NLRP12: variants seen among roughly 807,000 people sequenced by gnomAD.
The protein encoded by NLRP12 is NACHT, LRR and PYD domains-containing protein 12.
A neutral mutation model predicts 91.2 loss-of-function variants in NLRP12; 108 were observed. The ratio of observed to expected loss-of-function variants is 1.18; its 90% CI spans 1.01 to 1.39. The LOEUF is 1.39. NLRP12 is among the 40% of genes most tolerant of loss of function. NLRP12 has a pLI of 0.00. For missense variants in NLRP12, 1,530 were observed against 1,352.7 expected, an observed-to-expected ratio of 1.13 and a Z score of -2.06; for synonymous variants, 613 against 566.7, an observed-to-expected ratio of 1.08 and a Z score of -1.16.
At position 53,798,273 on chromosome 19, in the gene NLRP12, T is replaced by C. The variant is rs777398049; in HGVS notation, c.2897A>G (p.Gln966Arg). The change falls in exon 8 of 10, where the codon CAA (glutamine) becomes CGA (arginine). Residue 966 changes from glutamine (Q) to arginine (R), a missense_variant. Transcript: ENST00000324134. ...TTTCTGGAGTCTGCAGGCGGGATGT[T>C]GCAGCCCCTCAGCCAGCAACCACAG... is the stretch of plus-strand genomic sequence containing the variant. The part of the protein sequence containing the change: ...WGLWLLAEGL[Q>R]HPACRLQKLW... 1 of 1,614,194 alleles carries C rather than the reference T, an allele frequency of 6.2e-7. No homozygotes were observed. The highest frequency in any genetic ancestry group is 1.7e-5 in the Admixed American group (1 of 60,010).
chr19:53,807,759 T>C, intron 3 of NLRP12, 94 bp from the exon 4 acceptor site: 4 of 1,452,890 alleles, frequency 2.8e-6, no homozygotes, highest in Non-Finnish European at 3.8e-6. Context: ...AAGCATGCTA[T>C]CCTTTTTTGA....
intron 1 of NLRP12, among the ~76,000 whole-genome samples, chr19:53,821,749 G>A (rs553039915): frequency 9.9e-5 from 15 of 152,246 alleles, no homozygotes; most frequent in East Asian, 1.9e-4. Context: ...TGGTGGGAGC[G>A]AGGAATCAGA....
chr19:53,815,053 C>G (rs2092136251), intron 1 of NLRP12, 65 bp from the exon 2 acceptor site: 1 of 1,231,762 alleles, frequency 8.1e-7, no homozygotes, highest in Non-Finnish European at 1.2e-6. Context: ...GTCATATTAG[C>G]TGCGATTACG....
chr19:53,794,262 G>C (rs952157868), intron 9 of NLRP12, 126 bp from the exon 10 acceptor site: 3 of 759,912 alleles, frequency 3.9e-6, no homozygotes, highest in Non-Finnish European at 7.2e-6. Flanking sequence ...TCCACCCAAC[G>C]CTGCTGGAAA....
intron 5 of NLRP12, 79 bp downstream of exon 5, chr19:53,805,201 G>A: frequency 6.9e-7 from 1 of 1,441,536 alleles, no homozygotes; most frequent in Non-Finnish European, 9.7e-7. Flanking sequence ...GGAGATTTGG[G>A]GATTACCAGC....
Position 53,795,666 on chromosome 19 carries a change from G to A in NLRP12, c.3098+193C>T, listed in dbSNP as rs2042294. On this transcript the variant is annotated intron_variant, in intron 9 of 9. Coordinates refer to ENST00000324134, the MANE Select transcript of NLRP12 (RefSeq NM_144687.4). ...TGGGATTATAGGTGTGAGCCACCGC[G>A]CCCGGCCTCAGACAAGGAAATTATC... Among the ~76,000 whole-genome samples the A allele has an allele frequency of 0.35, 52,689 of 151,824 alleles. 9,570 individuals carry two copies. Among genetic ancestry groups the A allele is most frequent in the African/African-American group, 0.45 (18,746 of 41,362 alleles).
At chr19:53,821,031 C>CTTTTTT (rs1158419664) in intron 1 of NLRP12, among the ~76,000 whole-genome samples, 19 of 81,268 alleles carry the variant, frequency 2.3e-4, no homozygotes, top group African/African-American at 5.2e-4. Flanking sequence ...CATATTTTTT[C>CTTTTTT]TTTTTTTTTT....
chr19:53,801,156 C>T, intron 7 of NLRP12, 71 bp downstream of exon 7: 1 of 1,458,798 alleles, frequency 6.9e-7, no homozygotes, highest in South Asian at 1.1e-5. Context: ...AACCTGGCCT[C>T]CGTGGTCCCA....
chr19:53,805,520 G>GTT, intron 4 of NLRP12, 70 bp from the exon 5 acceptor site: 3 of 1,195,430 alleles, frequency 2.5e-6, no homozygotes, highest in Non-Finnish European at 1.1e-6. Context: ...ATTTTCTTTT[G>GTT]CTTTTTTTTT....
intron 1 of NLRP12, among the ~76,000 whole-genome samples, chr19:53,823,454 A>ATT (rs1568702903): frequency 5.1e-5 from 1 of 19,794 alleles, no homozygotes; most frequent in East Asian, 4.8e-4. Context: ...TTTTAAATAT[A>ATT]TATTTTAAAT....
In NLRP12 at chr19:53,807,083, C is replaced by G. The variant is rs376741353; in HGVS notation, c.2243+412G>C. ...CCCAGTCTTTGGCACTTTTTTCCCC[C>G]CTGAGATGGAGTCTCACCGTATCAC... On this transcript the variant is annotated intron_variant, in intron 4 of 9. Transcript: ENST00000324134. Among the ~76,000 whole-genome samples, 11 of 151,418 alleles carry G rather than the reference C, an allele frequency of 7.3e-5. No homozygotes were observed. In the East Asian group the frequency reaches 1.2e-3, roughly 16 times the overall value.
rs1411775107 is a variant in NLRP12 at position 53,805,428 on chromosome 19, T to A, written c.2266A>T (p.Ser756Cys). Residue 756 changes from serine (S) to cysteine (C), a missense_variant, in exon 5 of 10, where the codon AGC becomes TGC. Transcript: ENST00000324134. ...GCAGAGAGGTCCTCGCAGGCTGAGCTGGAGATGCGGCACCTCTTCAGCCTG... is the reference window on the plus strand; with the variant it reads ...GCAGAGAGGTCCTCGCAGGCTGAGCAGGAGATGCGGCACCTCTTCAGCCTG... ...NLRLKRCRIS[S>C]SACEDLSAAL... 1.9e-6 allele frequency: 3 copies of A among 1,613,734 alleles called. No homozygotes were observed. Among genetic ancestry groups the A allele is most frequent in the Non-Finnish European group, 2.5e-6 (3 of 1,179,964 alleles).
chr19:53,824,246 C>T lies in NLRP12; in HGVS notation c.-72G>A. 1.4e-6 allele frequency: 2 copies of T among 1,463,860 alleles called. No individual in the cohort carries two copies. The highest frequency in any genetic ancestry group is 2.3e-5 in the East Asian group (1 of 43,672). 90.7% of individuals were successfully genotyped at this position (1,463,860 alleles called of 1,614,324 possible). On this transcript the variant is annotated 5_prime_UTR_variant, in exon 1 of 10. Transcript: ENST00000324134. ...TCCTATGCACGGGACACAGGGCGAC[C>T]CCAGCACACCTTCCATTGCATCATT...
rs776591533 is a variant in NLRP12 at position 53,823,873 on chromosome 19, G to A, written c.289+13C>T. ...CTGGCATTCTAGCCTTGCCTGTCCC[G>A]CCACCTCCTTACCCCTCACCAGGTC... On this transcript the variant is annotated intron_variant, in intron 1 of 9. Coordinates refer to ENST00000324134, the MANE Select transcript of NLRP12 (RefSeq NM_144687.4). 13 of 1,613,490 alleles carry A rather than the reference G, an allele frequency of 8.1e-6. No homozygotes were observed. In the East Asian group the frequency reaches 1.1e-4, roughly 14 times the overall value.
At chr19:53,802,900 C>T (rs562864597) in intron 6 of NLRP12, among the ~76,000 whole-genome samples, 24 of 152,160 alleles carry the variant, frequency 1.6e-4, no homozygotes, top group African/African-American at 5.5e-4. Flanking sequence ...CAGACACATA[C>T]CACCCACCCC....
chr19:53,807,084 C>G (rs2091972123), intron 4 of NLRP12, among the ~76,000 whole-genome samples: 1 of 144,694 alleles, frequency 6.9e-6, no homozygotes, highest in South Asian at 2.1e-4. Flanking sequence ...TTTTTCCCCC[C>G]TGAGATGGAG....
chr19:53,805,790 T>TC, intron 4 of NLRP12: 1 of 363,604 alleles, frequency 2.8e-6, no homozygotes, highest in Non-Finnish European at 5.3e-6. Context: ...AGTGCTGGAA[T>TC]TACAGGCGTG....
rs754512228 is a variant in NLRP12, at chr19:53,819,410, AATATATATATATATATATATAT to A, written c.290-4444_290-4423del. ...CAGGCGTGTGCCACTACGCCTGGCTAATATATATATATATATATATATATATATATATATATATATATATATA... is the reference window on the plus strand; with the variant it reads ...CAGGCGTGTGCCACTACGCCTGGCTAATATATATATATATATATATATATA... On this transcript the variant is annotated intron_variant, in intron 1 of 9. Transcript: ENST00000324134. 2.7e-3 allele frequency among the ~76,000 whole-genome samples: 63 copies of A among 23,672 alleles called. 7 individuals carry two copies. Among genetic ancestry groups the A allele is most frequent in the South Asian group, 0.025 (17 of 678 alleles). The allele number at this position is 23,672 out of a possible 152,430, so 15.5% of individuals were successfully genotyped here. A position where few individuals can be genotyped will look rare whatever the true frequency, so the allele number is the denominator to read the frequency against.
intron 1 of NLRP12, among the ~76,000 whole-genome samples, chr19:53,821,105 C>T (rs751039295): frequency 6.7e-5 from 9 of 135,290 alleles, no homozygotes; most frequent in Non-Finnish European, 1.1e-4. Flanking sequence ...GCTTAATCTT[C>T]GCTCACTGCA....
Sources: gnomAD v4.1 joint callset for allele counts (sites outside exome capture counted in the v4.1 genomes callset) on GRCh38, gnomAD v4.1.1 for gene constraint, MANE v1.5 for transcripts, NCBI Gene and HGNC (gene_info 2026-07-23, HGNC 2026-07-21) for gene names.